Variants in ILDR2 observed in about 807,000 individuals in gnomAD.
ILDR2 encodes the protein immunoglobulin-like domain-containing receptor 2.
In ILDR2, 25 loss-of-function variants were observed where a neutral mutation model predicts 66.8. The ratio of observed to expected loss-of-function variants is 0.37; its 90% CI spans 0.27 to 0.52. The LOEUF is 0.52. Among genes scored for constraint, ILDR2 ranks in the 20% least tolerant of loss-of-function variants. The probability of loss-of-function intolerance (pLI) is 0.88; values close to 1 mark genes in which losing one functional copy is unlikely to be tolerated. For synonymous variants in ILDR2, 367 were observed against 357.2 expected, an observed-to-expected ratio of 1.03 and a Z score of -0.31; for missense variants, 827 against 876.8, an observed-to-expected ratio of 0.94 and a Z score of 0.72.
chr1:166,957,232 C>T (rs913228031), intron 2 of ILDR2, among the ~76,000 whole-genome samples: 5 of 152,280 alleles, frequency 3.3e-5, no homozygotes, highest in African/African-American at 9.6e-5. Context: ...TTCAAATAAT[C>T]GAATAGATCA....
rs1026283376 is a variant in ILDR2 at position 166,908,208 on chromosome 1, A to G, written c.*11147T>C. ...TAGGTGGCTTAAATATCAGAAATTTATTTCTCACAGTTCTAGAATCTGGGA... is the reference window on the plus strand; with the variant it reads ...TAGGTGGCTTAAATATCAGAAATTTGTTTCTCACAGTTCTAGAATCTGGGA... On this transcript the variant is annotated 3_prime_UTR_variant, in exon 10 of 10. Coordinates refer to ENST00000271417, the MANE Select transcript of ILDR2 (RefSeq NM_199351.3). 3.9e-5 allele frequency: 6 copies of G among 152,222 alleles called. No homozygotes were observed. Among genetic ancestry groups the G allele is most frequent in the Non-Finnish European group, 8.8e-5 (6 of 68,050 alleles). The allele number at this position is 152,222 out of a possible 1,614,324, so 9.4% of individuals were successfully genotyped here.
intron 6 of ILDR2, among the ~76,000 whole-genome samples, chr1:166,931,968 C>T (rs184736876): frequency 6.6e-6 from 1 of 152,206 alleles, no homozygotes; most frequent in African/African-American, 2.4e-5. Flanking sequence ...TATTGAGGAG[C>T]AAAAGAGAGG....
chr1:166,942,563 G>A (rs1272681717), intron 3 of ILDR2, among the ~76,000 whole-genome samples: 4 of 152,202 alleles, frequency 2.6e-5, no homozygotes, highest in Non-Finnish European at 5.9e-5. Context: ...TACACAGTAT[G>A]TCTGCAGGCT....
intron 2 of ILDR2, among the ~76,000 whole-genome samples, chr1:166,900,417 C>A (rs751817214): frequency 6.6e-6 from 1 of 152,236 alleles, no homozygotes; most frequent in Non-Finnish European, 1.5e-5. Context: ...ACAAATAAAA[C>A]ATTTCATCTC....
intron 1 of ILDR2, among the ~76,000 whole-genome samples, chr1:166,974,093 G>C (rs556935462): frequency 2.2e-4 from 34 of 152,200 alleles, no homozygotes; most frequent in South Asian, 6.2e-4. Flanking sequence ...CCTTGATTTT[G>C]TCCAGATCTT....
At chr1:166,907,572 T>C (rs944681931), downstream of ILDR2, among the ~76,000 whole-genome samples, 14 of 152,188 alleles carry the variant, frequency 9.2e-5, no homozygotes, top group African/African-American at 3.4e-4. Flanking sequence ...TGCTAAAACA[T>C]TTTCAATATT....
At chr1:166,904,283 C>T (rs1312440055), downstream of ILDR2, among the ~76,000 whole-genome samples, 1 of 152,138 alleles carries the variant, frequency 6.6e-6, no homozygotes, top group Non-Finnish European at 1.5e-5. Flanking sequence ...TTAGATCTGG[C>T]CCATTGCCCT....
At position 166,936,691 on chromosome 1, in the gene ILDR2, G is replaced by A. The variant is rs561720781; in HGVS notation, c.603C>T (p.Phe201=). ...GLVLLGVFLF[F]VLVGICWCQC... is the part of the protein sequence containing the mutation. ...GGCACCAGCAGATCCCCACCAGGAC[G>A]AAGAAGAGGAAGACGCCCAGGAGCA... Residue 201 remains phenylalanine, a synonymous_variant, in exon 5 of 10, where the codon TTC becomes TTT. Transcript: ENST00000271417. This position sits in a 1 kb window ranked among gnomAD's most constrained non-coding sequence, Gnocchi z 5.0. 85 of 1,614,136 alleles carry A rather than the reference G, an allele frequency of 5.3e-5. No homozygotes were observed. In the South Asian group the frequency reaches 6.9e-4, roughly 13 times the overall value.
chr1:166,924,510 G>A (rs1480106164), intron 7 of ILDR2, among the ~76,000 whole-genome samples: 3 of 152,048 alleles, frequency 2.0e-5, no homozygotes, highest in African/African-American at 7.3e-5. Flanking sequence ...CATAAACATC[G>A]ACCTGCCCCC....
At chr1:166,904,404 G>A (rs982804157), downstream of ILDR2, among the ~76,000 whole-genome samples, 2 of 152,186 alleles carry the variant, frequency 1.3e-5, no homozygotes, top group African/African-American at 2.4e-5. Context: ...GGCTTGCACT[G>A]TATCAATTGA....
intron 2 of ILDR2, among the ~76,000 whole-genome samples, chr1:166,902,792 G>A (rs1302996255): frequency 6.6e-6 from 1 of 152,120 alleles, no homozygotes; most frequent in Non-Finnish European, 1.5e-5. Flanking sequence ...AGTTTTGTTT[G>A]TTTTGCAGTC....
chr1:166,975,047 CACACAAACACAT>C (rs1051968037), intron 1 of ILDR2, among the ~76,000 whole-genome samples, 164 bp downstream of exon 1: 49 of 151,996 alleles, frequency 3.2e-4, no homozygotes, highest in Middle Eastern at 3.4e-3. Context: ...CACACACACA[CACACAAACACAT>C]ACACAAACAC....
At chr1:166,973,633 G>T (rs1241238639) in intron 1 of ILDR2, among the ~76,000 whole-genome samples, 1 of 96,628 alleles carries the variant, frequency 1.0e-5, no homozygotes, top group African/African-American at 3.5e-5. Context: ...CCCGATGCCT[G>T]GCTGACTTCA....
intron 6 of ILDR2, among the ~76,000 whole-genome samples, chr1:166,929,709 T>A (rs1245081427): frequency 6.6e-6 from 1 of 152,124 alleles, no homozygotes. Context: ...ATTTGAAATA[T>A]GTGTGTTTGT....
In ILDR2 at chr1:166,927,507, T is replaced by C. The variant is rs555798680; in HGVS notation, c.881-327A>G. Among the ~76,000 whole-genome samples, 14 of 152,328 alleles carry C rather than the reference T, an allele frequency of 9.2e-5. No individual in the cohort carries two copies. The East Asian group carries it at 2.7e-3, about 29-fold the overall frequency. On this transcript the variant is annotated intron_variant, in intron 6 of 9. Transcript: ENST00000271417. The stretch of plus-strand genomic sequence containing the variant: ...ATCTTCTCAGCGCTTTTGCGTTCCA[T>C]TGGAGGAGCATATTCACACTAAAAA...
chr1:166,920,989 C>T lies in ILDR2; in HGVS notation c.1602G>A (p.Glu534=). Residue 534 remains glutamate (E), a synonymous_variant, in exon 9 of 10, where the codon GAG becomes GAA. Coordinates refer to ENST00000271417, the MANE Select transcript of ILDR2 (RefSeq NM_199351.3). ...YDHSYLGSAR[E]RQARPEGASR... ...TGGCGCCCTCGGGCCGCGCCTGGCGCTCCCGCGCGCTGCCCAGGTACGAGT... is the reference window on the plus strand; with the variant it reads ...TGGCGCCCTCGGGCCGCGCCTGGCGTTCCCGCGCGCTGCCCAGGTACGAGT... 6.7e-7 allele frequency: 1 copy of T among 1,496,158 alleles called. No homozygotes were observed. Among genetic ancestry groups the T allele is most frequent in the South Asian group, 1.3e-5 (1 of 78,840 alleles). 92.7% of individuals were successfully genotyped at this position (1,496,158 alleles called of 1,614,324 possible). A position where few individuals can be genotyped will look rare whatever the true frequency, so the allele number is the denominator to read the frequency against.
chr1:166,922,764 C>T lies in ILDR2; in HGVS notation c.1040G>A (p.Ser347Asn), dbSNP rs79517167. 1.7e-4 allele frequency: 282 copies of T among 1,614,232 alleles called. 2 individuals are homozygous for T. The East Asian group carries it at 2.0e-3, about 12-fold the overall frequency. ...SELSSLHEED[S>N]NFRQSFHQMR... ...CTGATGGAAAGACTGGCGGAAATTG[C>T]TGTCCTCCTCATGTAGGGAGCTGAG... Residue 347 changes from serine to asparagine, a missense_variant, in exon 8 of 10, where the codon AGC (serine) becomes AAC (asparagine). Physicochemically the swap from Ser to Asn is conservative, Grantham distance 46. This residue lies in a region of ILDR2 where 437 missense variants were observed against 523.2 expected (regional missense o/e 0.84). Coordinates refer to ENST00000271417, the MANE Select transcript of ILDR2 (RefSeq NM_199351.3).
chr1:166,939,456 A>C, intron 4 of ILDR2, 58 bp downstream of exon 4: 1 of 1,419,346 alleles, frequency 7.0e-7, no homozygotes. Flanking sequence ...CTAATGCAGA[A>C]GCAAGACAGA....
intron 2 of ILDR2, among the ~76,000 whole-genome samples, chr1:166,903,122 C>A (rs1176548776): frequency 6.6e-6 from 1 of 152,214 alleles, no homozygotes; most frequent in African/African-American, 2.4e-5. Flanking sequence ...TCAGAATGGT[C>A]TTTTTCAAAC....
Sources: gnomAD v4.1 joint callset for allele counts (sites outside exome capture counted in the v4.1 genomes callset) on GRCh38, gnomAD v4.1.1 for gene constraint, gnomAD v4.1.1 regional missense constraint, Gnocchi (gnomAD v3.1) non-coding constraint, MANE v1.5 for transcripts, NCBI Gene and HGNC (gene_info 2026-07-23, HGNC 2026-07-21) for gene names.